Variants in OSBPL10 observed in about 807,000 individuals in gnomAD.
OSBPL10 encodes the protein oxysterol binding protein like 10.
A neutral mutation model predicts 81.7 loss-of-function variants in OSBPL10; 49 were observed. The observed-to-expected ratio is 0.60, with a 90% CI of 0.48 to 0.76. The LOEUF is 0.76. OSBPL10 is among the 30% of genes least tolerant of loss of function. The pLI is 0.00. For synonymous variants in OSBPL10, 419 were observed against 383.6 expected (o/e 1.09, Z -1.08); for missense variants, 923 against 987.8 (o/e 0.93, Z 0.88).
chr3:31,969,967 G>C (rs931301122), intron 1 of OSBPL10, among the ~76,000 whole-genome samples: 4 of 152,036 alleles, frequency 2.6e-5, no homozygotes, highest in African/African-American at 9.7e-5. Context: ...TTATCTTGCA[G>C]TGGAATTAGC....
At chr3:31,850,812 G>A (rs896878871) in intron 3 of OSBPL10, among the ~76,000 whole-genome samples, 1 of 152,164 alleles carries the variant, frequency 6.6e-6, no homozygotes, top group Non-Finnish European at 1.5e-5. Context: ...ACACAAGAAG[G>A]AAATGCTCCA....
In OSBPL10 at chr3:31,762,630, A is replaced by ATTTTTTTTTTTTTTTTTTTTTTTTTTT. The variant is rs56311731; in HGVS notation, c.730-14511_730-14510insAAAAAAAAAAAAAAAAAAAAAAAAAAA. ...GCCTATGCACAACACCATGCCCAGC[A>ATTTTTTTTTTTTTTTTTTTTTTTTTTT]TTTTTTTTTTTTTTTTTTTGTAGAG... On this transcript the variant is annotated intron_variant, in intron 4 of 11. Transcript: ENST00000396556. Among the ~76,000 whole-genome samples, 8 of 61,476 alleles carry ATTTTTTTTTTTTTTTTTTTTTTTTTTT rather than the reference A, an allele frequency of 1.3e-4. 1 individual carries two copies. The highest frequency in any genetic ancestry group is 1.6e-4 in the African/African-American group (2 of 12,522). 40.3% of individuals were successfully genotyped at this position (61,476 alleles called of 152,430 possible).
Position 32,065,288 on chromosome 3 carries a change from T to C in OSBPL10, n.185+12108A>G, listed in dbSNP as rs1478382607. 6.4e-5 allele frequency: 6 copies of C among 93,492 alleles called. 2 individuals carry two copies. Among genetic ancestry groups the C allele is most frequent in the African/African-American group, 1.6e-4 (6 of 36,368 alleles). The allele number at this position is 93,492 out of a possible 1,614,324, so 5.8% of individuals were successfully genotyped here. ...ATTAGACTCAAACTCCACAAAAGCA[T>C]AGTTTTGGCATTTTCAGGCTTTCCA... On this transcript the variant is annotated intron_variant and non_coding_transcript_variant, in intron 1 of 3. Coordinates refer to the OSBPL10 transcript ENST00000479173.
chr3:31,896,157 T>G (rs758313949), intron 1 of OSBPL10, among the ~76,000 whole-genome samples: 1 of 152,206 alleles, frequency 6.6e-6, no homozygotes, highest in Non-Finnish European at 1.5e-5. Context: ...AATAAAGCTT[T>G]CAAAATACAG....
At chr3:31,696,202 C>G (rs1695716550) in intron 7 of OSBPL10, among the ~76,000 whole-genome samples, 1 of 152,138 alleles carries the variant, frequency 6.6e-6, no homozygotes, top group Admixed American at 6.5e-5. Context: ...CTGGCCAACT[C>G]CCCTTCCATG....
chr3:31,730,820 C>A (rs1011576124), intron 6 of OSBPL10, among the ~76,000 whole-genome samples: 1 of 152,200 alleles, frequency 6.6e-6, no homozygotes, highest in Non-Finnish European at 1.5e-5. Flanking sequence ...CTTATCCCCC[C>A]AAAGACCTAA....
chr3:31,774,124 T>C (rs973648120), intron 4 of OSBPL10, among the ~76,000 whole-genome samples: 2 of 149,138 alleles, frequency 1.3e-5, no homozygotes, highest in Non-Finnish European at 3.0e-5. Flanking sequence ...ATTGCACCAC[T>C]TCACTCCAGC....
intron 2 of OSBPL10, among the ~76,000 whole-genome samples, chr3:31,879,240 C>G (rs1701558441): frequency 6.6e-6 from 1 of 152,130 alleles, no homozygotes; most frequent in Non-Finnish European, 1.5e-5. Context: ...GGGCACTTTA[C>G]TAAGAAACGG....
intron 2 of OSBPL10, among the ~76,000 whole-genome samples, chr3:32,035,562 C>CAAAAAAA (rs35533294): frequency 1.1e-5 from 1 of 91,058 alleles, no homozygotes; most frequent in Non-Finnish European, 2.0e-5. Flanking sequence ...AACTCTGTCT[C>CAAAAAAA]AAAAAAAAAA....
chr3:31,966,002 A>T (rs1177750189), intron 1 of OSBPL10, among the ~76,000 whole-genome samples: 1 of 133,898 alleles, frequency 7.5e-6, no homozygotes, highest in Admixed American at 9.0e-5. Flanking sequence ...AATATAATAT[A>T]TATATATATA....
intron 4 of OSBPL10, among the ~76,000 whole-genome samples, chr3:31,751,663 A>G (rs1697724681): frequency 6.6e-6 from 1 of 152,186 alleles, no homozygotes; most frequent in Admixed American, 6.5e-5. Context: ...CAGGCACCTC[A>G]TGGCTTTTGA....
intron 1 of OSBPL10, among the ~76,000 whole-genome samples, chr3:31,973,959 G>C (rs1698628620): frequency 6.6e-6 from 1 of 152,196 alleles, no homozygotes; most frequent in Admixed American, 6.5e-5. Context: ...TAAACAAACT[G>C]TGGTATATCC....
Position 32,065,248 on chromosome 3 carries a change from C to A in OSBPL10, n.185+12148G>T, listed in dbSNP as rs1414981032. On this transcript the variant is annotated intron_variant and non_coding_transcript_variant, in intron 1 of 3. Coordinates refer to the OSBPL10 transcript ENST00000479173. Reference sequence around the variant, plus strand: ...CCAAAAAGGCGGTTCATTGTTTTGGCAACTTAGCAATATCATTAGACTCAA... The same window carrying A: ...CCAAAAAGGCGGTTCATTGTTTTGGAAACTTAGCAATATCATTAGACTCAA... 1.1e-4 allele frequency: 10 copies of A among 92,996 alleles called. 2 individuals are homozygous for A. The highest frequency in any genetic ancestry group is 2.8e-4 in the African/African-American group (10 of 36,162). The allele number at this position is 92,996 out of a possible 1,614,324, so 5.8% of individuals were successfully genotyped here.
chr3:31,800,637 A>G, intron 4 of OSBPL10, among the ~76,000 whole-genome samples: 1 of 152,230 alleles, frequency 6.6e-6, no homozygotes, highest in East Asian at 1.9e-4. Flanking sequence ...TCACCATGAA[A>G]CTACCCAAGG....
intron 1 of OSBPL10, among the ~76,000 whole-genome samples, chr3:31,972,318 G>C (rs965302659): frequency 1.3e-5 from 2 of 152,218 alleles, no homozygotes; most frequent in African/African-American, 4.8e-5. Context: ...GAACCCAGGA[G>C]GTGGAAGTTG....
At chr3:31,693,613 T>C (rs911774214) in intron 7 of OSBPL10, among the ~76,000 whole-genome samples, 9 of 152,208 alleles carry the variant, frequency 5.9e-5, no homozygotes, top group African/African-American at 2.2e-4. Context: ...AATCTTCACT[T>C]GCTTTGACAA....
chr3:31,756,210 C>T (rs1486993262), intron 4 of OSBPL10, among the ~76,000 whole-genome samples: 1 of 152,304 alleles, frequency 6.6e-6, no homozygotes, highest in East Asian at 1.9e-4. Context: ...CACTTCAGCG[C>T]CCTTTACACT....
intron 1 of OSBPL10, among the ~76,000 whole-genome samples, chr3:31,898,316 A>G (rs1308145698): frequency 2.0e-5 from 3 of 152,216 alleles, no homozygotes; most frequent in Admixed American, 6.5e-5. Flanking sequence ...GGTGAGAGAT[A>G]TGTTAATTAG....
intron 1 of OSBPL10, among the ~76,000 whole-genome samples, chr3:31,947,200 C>T (rs912674157): frequency 6.6e-6 from 1 of 152,142 alleles, no homozygotes; most frequent in Non-Finnish European, 1.5e-5. Context: ...GGAGCAGTTA[C>T]TGGAAGGTAA....
Sources: allele counts gnomAD v4.1 joint callset (sites outside exome capture counted in the v4.1 genomes callset), GRCh38; gene constraint gnomAD v4.1.1; transcripts MANE v1.5; gene names NCBI Gene and HGNC (gene_info 2026-07-23, HGNC 2026-07-21).